P2RX4: variants seen among roughly 807,000 people sequenced by gnomAD.
The protein encoded by P2RX4 is purinergic receptor P2X 4.
In P2RX4, 37 loss-of-function variants were observed where a neutral mutation model predicts 48.0. The observed-to-expected ratio is 0.77, with a 90% CI of 0.59 to 1.01. The LOEUF (loss-of-function observed/expected upper bound fraction) is 1.01, where lower values mean the gene tolerates loss of function less well. Among genes scored for constraint, P2RX4 ranks in the 50% least tolerant of loss-of-function variants. The probability of loss-of-function intolerance (pLI) is 0.00; values close to 1 mark genes in which losing one functional copy is unlikely to be tolerated. For synonymous variants in P2RX4, 200 were observed against 199.7 expected (o/e 1.00, Z -0.01); for missense variants, 501 against 521.4 (o/e 0.96, Z 0.38).
Position 121,231,736 on chromosome 12 carries a change from G to C in P2RX4, c.885-678G>C, listed in dbSNP as rs567505380. 4.5e-4 allele frequency among the ~76,000 whole-genome samples: 69 copies of C among 152,172 alleles called. 1 individual carries two copies. The highest frequency in any genetic ancestry group is 1.5e-3 in the African/African-American group (61 of 41,500). ...GTTGTTGTTGTTGTTGTTGAAGACT[G>C]TGTGCACAGAATCAATGTTTCTTTG... is the stretch of plus-strand genomic sequence containing the variant. On this transcript the variant is annotated intron_variant, in intron 8 of 11. Coordinates refer to ENST00000337233, the MANE Select transcript of P2RX4 (RefSeq NM_002560.3).
rs1326399304 is a variant in P2RX4, at chr12:121,223,020, GGA to G, written c.503_504del (p.Glu168GlyfsTer2). ...TCEVAAWCPVEDDTHVPQPAF... is the reference protein window; with the variant it reads ...TCEVAAWCPVXDDTHVPQPAF... The stretch of plus-strand genomic sequence containing the variant: ...GTGAGGTGGCGGCCTGGTGCCCGGT[GGA>G]GGATGACACACACGTGCCACAGTGA... On this transcript the variant is annotated frameshift_variant, in exon 5 of 12. Transcript: ENST00000337233. LOFTEE classifies it high-confidence loss of function. 4 of 1,611,716 alleles carry G rather than the reference GGA, an allele frequency of 2.5e-6. No homozygotes were observed. The Admixed American group carries it at 6.7e-5, about 27-fold the overall frequency.
At chr12:121,226,458 G>T (rs1481972165) in intron 5 of P2RX4, among the ~76,000 whole-genome samples, 1 of 151,900 alleles carries the variant, frequency 6.6e-6, no homozygotes, top group African/African-American at 2.4e-5. Flanking sequence ...CACGAGAATT[G>T]CTTGAACCCG....
intron 2 of P2RX4, 47 bp from the exon 3 acceptor site, chr12:121,221,866 C>G (rs201612181): frequency 1.3e-5 from 20 of 1,550,400 alleles, no homozygotes. Context: ...CTTGGCTCTC[C>G]GTGAGTCCTC....
At chr12:121,216,744 C>T (rs148816052) in intron 1 of P2RX4, 545 of 492,476 alleles carry the variant, frequency 1.1e-3, no homozygotes, top group Non-Finnish European at 1.6e-3. Context: ...TGCCTGAACC[C>T]GGGAGGCGGA....
chr12:121,229,139 G>T lies in P2RX4; in HGVS notation c.884+40G>T, dbSNP rs1887188257. On this transcript the variant is annotated intron_variant, in intron 8 of 11. Transcript: ENST00000337233. This position sits in a 1 kb window ranked among gnomAD's most constrained non-coding sequence, Gnocchi z 4.6. Reference sequence around the variant, plus strand: ...GGGCCCCTCGCTCATGTTGTAGGGGGTGCTGGTGGCTGCGTACGTGCCAGT... The same window carrying T: ...GGGCCCCTCGCTCATGTTGTAGGGGTTGCTGGTGGCTGCGTACGTGCCAGT... 6.2e-7 allele frequency: 1 copy of T among 1,613,280 alleles called. No individual in the cohort carries two copies. Among genetic ancestry groups the T allele is most frequent in the Non-Finnish European group, 8.5e-7 (1 of 1,179,574 alleles).
rs369508917 is a variant in P2RX4 at position 121,228,716 on chromosome 12, C to T, written c.606-9C>T. On this transcript the variant is annotated splice_polypyrimidine_tract_variant and intron_variant, in intron 6 of 11. Transcript: ENST00000337233. Reference sequence around the variant, plus strand: ...GTCGCTCTGATTTTCTGCTTCCTCTCGACTTTAGGAGGAATATCCTTCCCA... The same window carrying T: ...GTCGCTCTGATTTTCTGCTTCCTCTTGACTTTAGGAGGAATATCCTTCCCA... 1.9e-5 allele frequency: 31 copies of T among 1,613,886 alleles called. No individual in the cohort carries two copies. Among genetic ancestry groups the T allele is most frequent in the Middle Eastern group, 1.6e-4 (1 of 6,080 alleles).
chr12:121,222,380 T>C (rs1886682865), intron 4 of P2RX4: 1 of 562,074 alleles, frequency 1.8e-6, no homozygotes, highest in East Asian at 2.9e-5. Flanking sequence ...TTTTTTGTTG[T>C]TGTTGTTGTT....
chr12:121,226,505 T>G (rs1300266570), intron 5 of P2RX4, among the ~76,000 whole-genome samples: 1 of 152,080 alleles, frequency 6.6e-6, no homozygotes, highest in East Asian at 1.9e-4. Context: ...ATCATGCCAC[T>G]GCGCTCCAGC....
chr12:121,211,951 A>C (rs980769474), intron 1 of P2RX4, among the ~76,000 whole-genome samples: 1 of 152,194 alleles, frequency 6.6e-6, no homozygotes, highest in African/African-American at 2.4e-5. Flanking sequence ...CTGGGATTAC[A>C]GGCGTGAGCC....
chr12:121,212,815 TA>T (rs1179924235), intron 1 of P2RX4: 439 of 40,222 alleles, frequency 0.011, 5 homozygotes, highest in African/African-American at 0.029. Context: ...TATATATATA[TA>T]TATATATATT....
chr12:121,214,319 C>T (rs1469913122), intron 1 of P2RX4: 1 of 151,932 alleles, frequency 6.6e-6, no homozygotes, highest in Non-Finnish European at 1.5e-5. Flanking sequence ...AAATGCTTTG[C>T]TTTTGTCCGT....
In P2RX4 at chr12:121,223,831, T is replaced by C. The variant is rs182203675; in HGVS notation, c.524+788T>C. On this transcript the variant is annotated intron_variant, in intron 5 of 11. Coordinates refer to ENST00000337233, the MANE Select transcript of P2RX4 (RefSeq NM_002560.3). ...GGAGGAGGAGGTTGCTGAGCTGAGA[T>C]GGTGCCACTGCACTCCCTCCTGGGC... is the stretch of plus-strand genomic sequence containing the variant. Among the ~76,000 whole-genome samples the C allele has an allele frequency of 1.2e-4, 19 of 152,190 alleles. No homozygotes were observed. In the East Asian group the frequency reaches 2.5e-3, roughly 20 times the overall value.
chr12:121,228,006 A>G (rs1257748165), intron 5 of P2RX4, among the ~76,000 whole-genome samples: 1 of 151,738 alleles, frequency 6.6e-6, no homozygotes, highest in African/African-American at 2.4e-5. Flanking sequence ...GAGGTGGGAG[A>G]ACCCCCTGAG....
At position 121,232,929 on chromosome 12, in the gene P2RX4, C is replaced by A; in HGVS notation, c.1045-68C>A. On this transcript the variant is annotated intron_variant, in intron 10 of 11. Coordinates refer to ENST00000337233, the MANE Select transcript of P2RX4 (RefSeq NM_002560.3). This position sits in a 1 kb window ranked among gnomAD's most constrained non-coding sequence, Gnocchi z 4.3. ...ATTCCAGGCTTCTCAGGAAGGGGCA[C>A]GCAAAGAATAAGATGGGTTGATGGG... is the stretch of plus-strand genomic sequence containing the variant. 1 of 1,112,290 alleles carries A rather than the reference C, an allele frequency of 9.0e-7. No homozygotes were observed. Among genetic ancestry groups the A allele is most frequent in the Non-Finnish European group, 1.4e-6 (1 of 724,228 alleles). 68.9% of individuals were successfully genotyped at this position (1,112,290 alleles called of 1,614,324 possible). A position where few individuals can be genotyped will look rare whatever the true frequency, so the allele number is the denominator to read the frequency against.
chr12:121,224,422 G>A (rs913139155), intron 5 of P2RX4, among the ~76,000 whole-genome samples: 1 of 152,004 alleles, frequency 6.6e-6, no homozygotes, highest in Non-Finnish European at 1.5e-5. Context: ...TGGCCAACAT[G>A]GAGAAACCCC....
chr12:121,221,454 C>T lies in P2RX4; in HGVS notation c.283-459C>T, dbSNP rs1242487517. On this transcript the variant is annotated intron_variant, in intron 2 of 11. Transcript: ENST00000337233. ...TGTCATCCAGGCTGGAGTGCAGTGG[C>T]GCGATGTCGGCTCGCTGCAACCTCC... Among the ~76,000 whole-genome samples the T allele has an allele frequency of 6.1e-5, 9 of 147,026 alleles. No homozygotes were observed. The East Asian group carries it at 1.4e-3, about 23-fold the overall frequency.
chr12:121,232,904 A>T lies in P2RX4; in HGVS notation c.1045-93A>T. The T allele has an allele frequency of 1.0e-6, 1 of 973,434 alleles. No individual in the cohort carries two copies. The highest frequency in any genetic ancestry group is 1.7e-6 in the Non-Finnish European group (1 of 600,706). The allele number at this position is 973,434 out of a possible 1,614,324, so 60.3% of individuals were successfully genotyped here. ...GGAGTGCCTTTCCATTCCGGTAAAG[A>T]TTCCAGGCTTCTCAGGAAGGGGCAC... On this transcript the variant is annotated intron_variant, in intron 10 of 11. Coordinates refer to ENST00000337233, the MANE Select transcript of P2RX4 (RefSeq NM_002560.3). The surrounding 1 kb of genome is among the most constrained non-coding windows in gnomAD (Gnocchi z 4.3).
chr12:121,224,475 G>T (rs191715675), intron 5 of P2RX4, among the ~76,000 whole-genome samples: 2 of 151,988 alleles, frequency 1.3e-5, no homozygotes, highest in Non-Finnish European at 2.9e-5. Flanking sequence ...GGTGGCGCTT[G>T]TCTGTAATCC....
intron 5 of P2RX4, 53 bp from the exon 6 acceptor site, chr12:121,228,480 A>G: frequency 9.7e-7 from 1 of 1,034,426 alleles, no homozygotes; most frequent in Non-Finnish European, 1.5e-6. Context: ...TAACATGGTT[A>G]TGTGAGTATT....
Sources: allele counts gnomAD v4.1 joint callset (sites outside exome capture counted in the v4.1 genomes callset), GRCh38; gene constraint gnomAD v4.1.1; non-coding constraint Gnocchi (gnomAD v3.1); transcripts MANE v1.5; gene names NCBI Gene and HGNC (gene_info 2026-07-23, HGNC 2026-07-21).